The following EPB41L4B variants were observed in gnomAD, a reference collection of about 807,000 sequenced individuals.
The protein encoded by EPB41L4B is band 4.1-like protein 4B.
EPB41L4B carries 30 observed loss-of-function variants against 112.5 expected under a neutral mutation model. The observed-to-expected ratio is 0.27, with a 90% CI of 0.20 to 0.36. The LOEUF (loss-of-function observed/expected upper bound fraction) is 0.36. EPB41L4B is among the 10% of genes least tolerant of loss of function. The pLI is 1.00. For synonymous variants in EPB41L4B, 408 were observed against 439.7 expected, an observed-to-expected ratio of 0.93 and a Z score of 0.90; for missense variants, 1,024 against 1,133.3, an observed-to-expected ratio of 0.90 and a Z score of 1.38.
At chr9:109,271,727 C>T (rs759648870) in intron 2 of EPB41L4B, among the ~76,000 whole-genome samples, 2 of 152,176 alleles carry the variant, frequency 1.3e-5, no homozygotes, top group Non-Finnish European at 2.9e-5. Context: ...CCAAGGCAAA[C>T]GGCTCCGGCC....
Position 109,238,208 on chromosome 9 carries a change from C to T in EPB41L4B, c.1409+5410G>A, listed in dbSNP as rs73529307. Reference sequence around the variant, plus strand: ...TAGATGACTAGCCCCTATATATTAGCGCAGATCAATGTCTACCTACCGGGG... The same window carrying T: ...TAGATGACTAGCCCCTATATATTAGTGCAGATCAATGTCTACCTACCGGGG... On this transcript the variant is annotated intron_variant, in intron 15 of 25. Coordinates refer to ENST00000374566, the MANE Select transcript of EPB41L4B (RefSeq NM_019114.5). Among the ~76,000 whole-genome samples, 817 of 152,264 alleles carry T rather than the reference C, an allele frequency of 5.4e-3. 4 individuals carry two copies. The highest frequency in any genetic ancestry group is 0.019 in the African/African-American group (796 of 41,548).
At chr9:109,200,114 G>T in intron 20 of EPB41L4B, 122 bp downstream of exon 20, 1 of 705,848 alleles carries the variant, frequency 1.4e-6, no homozygotes, top group Non-Finnish European at 2.4e-6. Context: ...TACCTAAATT[G>T]GAAATAAATG....
chr9:109,228,726 T>A (rs930388599), intron 15 of EPB41L4B, among the ~76,000 whole-genome samples: 1 of 152,198 alleles, frequency 6.6e-6, no homozygotes, highest in African/African-American at 2.4e-5. Context: ...AAATTGCTCA[T>A]CTTTTTGCCC....
chr9:109,200,455 AT>A (rs1022143171), intron 19 of EPB41L4B, 121 bp from the exon 20 acceptor site: 267 of 630,198 alleles, frequency 4.2e-4, no homozygotes, highest in South Asian at 9.9e-4. Context: ...CAAGAAATCC[AT>A]TTTTTTTGCC....
At chr9:109,312,519 C>T (rs534842279) in intron 1 of EPB41L4B, among the ~76,000 whole-genome samples, 6 of 152,268 alleles carry the variant, frequency 3.9e-5, no homozygotes, top group Non-Finnish European at 7.4e-5. Flanking sequence ...TCCCACCCCC[C>T]TCGCCCAGCT....
intron 6 of EPB41L4B, among the ~76,000 whole-genome samples, chr9:109,259,593 A>G (rs953362275): frequency 1.3e-5 from 2 of 152,182 alleles, no homozygotes; most frequent in African/African-American, 2.4e-5. Flanking sequence ...CCCTATCATA[A>G]TCTATCTATG....
chr9:109,298,836 C>G (rs1239779193), intron 1 of EPB41L4B, among the ~76,000 whole-genome samples: 1 of 152,166 alleles, frequency 6.6e-6, no homozygotes, highest in African/African-American at 2.4e-5. Context: ...GTTGAGCACA[C>G]AGGGCTCCAA....
At chr9:109,178,382 C>CTT (rs1397053185) in intron 24 of EPB41L4B, among the ~76,000 whole-genome samples, 6 of 142,128 alleles carry the variant, frequency 4.2e-5, no homozygotes, top group African/African-American at 1.3e-4. Flanking sequence ...TGAGCAGTAT[C>CTT]TTCTTTTTTT....
At chr9:109,200,825 T>A (rs928022315) in intron 19 of EPB41L4B, among the ~76,000 whole-genome samples, 3 of 152,194 alleles carry the variant, frequency 2.0e-5, no homozygotes, top group African/African-American at 7.2e-5. Context: ...GAAAAATGCA[T>A]AATCAGAAGA....
At chr9:109,228,525 G>T (rs1003712469) in intron 15 of EPB41L4B, among the ~76,000 whole-genome samples, 4 of 152,186 alleles carry the variant, frequency 2.6e-5, no homozygotes, top group African/African-American at 9.7e-5. Context: ...TAATCAAAAA[G>T]CAGTAAAATA....
At chr9:109,275,914 C>A (rs902487933) in intron 2 of EPB41L4B, among the ~76,000 whole-genome samples, 1 of 151,864 alleles carries the variant, frequency 6.6e-6, no homozygotes, top group African/African-American at 2.4e-5. Flanking sequence ...TTGACAAATG[C>A]CTCTCCCTCA....
intron 23 of EPB41L4B, among the ~76,000 whole-genome samples, chr9:109,185,056 G>A (rs542985291): frequency 1.3e-5 from 2 of 152,206 alleles, no homozygotes; most frequent in Non-Finnish European, 2.9e-5. Context: ...GCTAAATTGG[G>A]ATGACAGGTA....
intron 15 of EPB41L4B, among the ~76,000 whole-genome samples, chr9:109,226,159 A>G (rs1833751996): frequency 6.6e-6 from 1 of 152,168 alleles, no homozygotes; most frequent in African/African-American, 2.4e-5. Context: ...CACTGTTTAC[A>G]GGAAACTTTA....
intron 15 of EPB41L4B, among the ~76,000 whole-genome samples, chr9:109,219,056 A>G (rs779499947): frequency 3.3e-4 from 50 of 151,920 alleles, no homozygotes; most frequent in Non-Finnish European, 6.6e-4. Context: ...TCGGGGGAAG[A>G]CAGTTAGGTT....
rs545268190 is a variant in EPB41L4B at position 109,200,936 on chromosome 9, A to ACCAATGGAC, written c.1947-611_1947-603dup. Among the ~76,000 whole-genome samples the ACCAATGGAC allele has an allele frequency of 2.6e-3, 401 of 152,316 alleles. 1 individual carries two copies. Among genetic ancestry groups the ACCAATGGAC allele is most frequent in the African/African-American group, 8.9e-3 (371 of 41,574 alleles). ...TTTACTCAAGAATTTATTTCAGGTA[A>ACCAATGGAC]CCAATGGACCCTACTCAAAATAGTA... On this transcript the variant is annotated intron_variant, in intron 19 of 25. Transcript: ENST00000374566.
chr9:109,202,877 TAG>T (rs1832881660), intron 19 of EPB41L4B, among the ~76,000 whole-genome samples: 1 of 152,150 alleles, frequency 6.6e-6, no homozygotes, highest in African/African-American at 2.4e-5. Context: ...AAAAGTAGGC[TAG>T]GTGTGGTGGC....
intron 8 of EPB41L4B, 52 bp from the exon 9 acceptor site, chr9:109,256,276 C>T: frequency 6.3e-7 from 1 of 1,587,674 alleles, no homozygotes; most frequent in South Asian, 1.1e-5. Context: ...GGTCGTCACA[C>T]AGCAGAATGC....
chr9:109,217,538 C>A (rs1049468141), intron 15 of EPB41L4B, among the ~76,000 whole-genome samples: 1 of 152,110 alleles, frequency 6.6e-6, no homozygotes, highest in East Asian at 1.9e-4. Context: ...CTCTGTCACC[C>A]ACAACATGCA....
intron 1 of EPB41L4B, among the ~76,000 whole-genome samples, chr9:109,318,150 C>CGTGTGTGTGT (rs3983533): frequency 7.3e-4 from 109 of 149,588 alleles, no homozygotes; most frequent in African/African-American, 2.7e-3. Context: ...GGGGCATATA[C>CGTGTGTGTGT]GTGTGTGTGT....
Sources: allele counts gnomAD v4.1 joint callset (sites outside exome capture counted in the v4.1 genomes callset), GRCh38; gene constraint gnomAD v4.1.1; transcripts MANE v1.5; gene names NCBI Gene and HGNC (gene_info 2026-07-23, HGNC 2026-07-21).